ETV6: variants seen among roughly 807,000 people sequenced by gnomAD.
ETV6 encodes the protein ETS variant transcription factor 6.
In ETV6, 16 loss-of-function variants were observed where a neutral mutation model predicts 51.1. That is an observed-to-expected ratio of 0.31 (90% confidence interval 0.21 to 0.48). The LOEUF (loss-of-function observed/expected upper bound fraction) is 0.48, where lower values mean the gene tolerates loss of function less well. Ranked by LOEUF, ETV6 falls within the 20% of genes least tolerant of loss-of-function variation. The pLI is 0.99. For missense variants in ETV6, 458 were observed against 594.8 expected (o/e 0.77, Z 2.39); for synonymous variants, 240 against 224.1 (o/e 1.07, Z -0.64).
At chr12:11,879,500 G>A (rs1402334728) in intron 5 of ETV6, among the ~76,000 whole-genome samples, 1 of 152,200 alleles carries the variant, frequency 6.6e-6, no homozygotes, top group Non-Finnish European at 1.5e-5. Flanking sequence ...AGAGACAGAC[G>A]TGGGAGTGAA....
Position 11,780,333 on chromosome 12 carries a change from C to G in ETV6, c.163+27754C>G, listed in dbSNP as rs997805. ...AGGTTTTAGGTTCAGTAGCCTGTAT[C>G]CTTTTTTACTGCCCTGGGACAACAG... On this transcript the variant is annotated intron_variant, in intron 2 of 7. Coordinates refer to ENST00000396373, the MANE Select transcript of ETV6 (RefSeq NM_001987.5). Among the ~76,000 whole-genome samples, 551 of 152,228 alleles carry G rather than the reference C, an allele frequency of 3.6e-3. 2 individuals carry two copies. Among genetic ancestry groups the G allele is most frequent in the African/African-American group, 0.013 (535 of 41,520 alleles).
At chr12:11,848,920 CT>C (rs1946506329) in intron 3 of ETV6, among the ~76,000 whole-genome samples, 1 of 152,148 alleles carries the variant, frequency 6.6e-6, no homozygotes, top group Admixed American at 6.5e-5. Flanking sequence ...CACTGTGTTT[CT>C]TTTCTGGGAA....
At chr12:11,677,824 C>T (rs767364746) in intron 1 of ETV6, among the ~76,000 whole-genome samples, 10 of 152,198 alleles carry the variant, frequency 6.6e-5, no homozygotes, top group Non-Finnish European at 1.3e-4. Flanking sequence ...AGAGCATCTA[C>T]CATGATAATG....
chr12:11,814,359 AT>A (rs201076244), intron 2 of ETV6, among the ~76,000 whole-genome samples: 9 of 151,290 alleles, frequency 5.9e-5, no homozygotes, highest in South Asian at 2.1e-4. Flanking sequence ...GTAAAAAAAA[AT>A]TTTTTTTTTC....
chr12:11,650,627 AT>A (rs1443659437), intron 1 of ETV6, among the ~76,000 whole-genome samples: 1 of 149,680 alleles, frequency 6.7e-6, no homozygotes, highest in Non-Finnish European at 1.5e-5. Flanking sequence ...GAATCTTTTT[AT>A]TTTTTTAAAG....
intron 2 of ETV6, among the ~76,000 whole-genome samples, chr12:11,835,301 G>T (rs909905225): frequency 6.6e-6 from 1 of 152,224 alleles, no homozygotes; most frequent in African/African-American, 2.4e-5. Flanking sequence ...CAAGAGGCAC[G>T]CTATGCGCAC....
intron 2 of ETV6, among the ~76,000 whole-genome samples, chr12:11,829,174 C>T (rs1024404897): frequency 6.6e-6 from 1 of 152,200 alleles, no homozygotes; most frequent in Non-Finnish European, 1.5e-5. Flanking sequence ...GCTCCAGCTT[C>T]TGCAGCTCCA....
At chr12:11,809,070 G>A (rs1408036657) in intron 2 of ETV6, among the ~76,000 whole-genome samples, 1 of 151,932 alleles carries the variant, frequency 6.6e-6, no homozygotes, top group Non-Finnish European at 1.5e-5. Flanking sequence ...GAGGCATGAG[G>A]TGGGAGAATG....
At chr12:11,674,694 C>A (rs1297037991) in intron 1 of ETV6, among the ~76,000 whole-genome samples, 1 of 147,610 alleles carries the variant, frequency 6.8e-6, no homozygotes, top group Non-Finnish European at 1.5e-5. Flanking sequence ...CCTGATTGTG[C>A]GACCCTGGGT....
At chr12:11,673,648 G>A (rs1007120878) in intron 1 of ETV6, among the ~76,000 whole-genome samples, 7 of 152,150 alleles carry the variant, frequency 4.6e-5, no homozygotes, top group Non-Finnish European at 5.9e-5. Context: ...TAGGCCCTCC[G>A]AATGTCATCT....
Position 11,869,857 on chromosome 12 carries a change from G to A in ETV6, c.897G>A (p.Arg299=), listed in dbSNP as rs779994835. The change falls in exon 5 of 8, where the codon AGG becomes AGA. Residue 299 remains arginine (R), a synonymous_variant. Coordinates refer to ENST00000396373, the MANE Select transcript of ETV6 (RefSeq NM_001987.5). The surrounding 1 kb of genome is among the most constrained non-coding windows in gnomAD (Gnocchi z 5.0). ...QSRLSEDGLH[R]EGKPINLSHR... ...GGCTCTCCGAGGACGGGCTGCATAG[G>A]GAAGGGAAGCCCATCAACCTCTCTC... 4 of 1,613,236 alleles carry A rather than the reference G, an allele frequency of 2.5e-6. No individual in the cohort carries two copies. The highest frequency in any genetic ancestry group is 2.2e-5 in the South Asian group (2 of 91,084).
intron 4 of ETV6, among the ~76,000 whole-genome samples, chr12:11,856,356 C>T (rs984185660): frequency 6.6e-6 from 1 of 152,192 alleles, no homozygotes; most frequent in East Asian, 1.9e-4. Flanking sequence ...GACCAGTTAG[C>T]TCTGCTTCAG....
chr12:11,676,009 A>G (rs2120720876), intron 1 of ETV6, among the ~76,000 whole-genome samples: 1 of 152,304 alleles, frequency 6.6e-6, no homozygotes, highest in African/African-American at 2.4e-5. Context: ...GAATGAAATA[A>G]TCCTGTAAAG....
intron 3 of ETV6, among the ~76,000 whole-genome samples, chr12:11,841,588 G>A (rs1946390973): frequency 6.6e-6 from 1 of 152,208 alleles, no homozygotes; most frequent in African/African-American, 2.4e-5. Flanking sequence ...GATCAGTTAG[G>A]AGGTGGCAAT....
At chr12:11,830,016 A>G (rs1207374554) in intron 2 of ETV6, among the ~76,000 whole-genome samples, 2 of 152,172 alleles carry the variant, frequency 1.3e-5, no homozygotes, top group Non-Finnish European at 2.9e-5. Flanking sequence ...GCAGATTTGC[A>G]GAGAGCAGGC....
At chr12:11,728,085 G>T (rs1257207817) in intron 1 of ETV6, among the ~76,000 whole-genome samples, 2 of 152,170 alleles carry the variant, frequency 1.3e-5, no homozygotes, top group African/African-American at 4.8e-5. Context: ...CTTCCAAAGT[G>T]CTGGGATTAT....
chr12:11,887,546 G>A (rs1273036071), intron 7 of ETV6, among the ~76,000 whole-genome samples: 6 of 151,858 alleles, frequency 4.0e-5, no homozygotes, highest in Non-Finnish European at 8.8e-5. Flanking sequence ...TCAAGAGATC[G>A]AGACCATCCT....
chr12:11,678,932 A>AT (rs530699142), intron 1 of ETV6, among the ~76,000 whole-genome samples: 111 of 152,262 alleles, frequency 7.3e-4, no homozygotes, highest in African/African-American at 2.7e-3. Flanking sequence ...CCCATAATGG[A>AT]TTAGATAGTG....
Position 11,718,560 on chromosome 12 carries a change from G to GTT in ETV6, c.34-33888_34-33887dup, listed in dbSNP as rs1865322539. On this transcript the variant is annotated intron_variant, in intron 1 of 7. Coordinates refer to ENST00000396373, the MANE Select transcript of ETV6 (RefSeq NM_001987.5). Reference sequence around the variant, plus strand: ...GCAGGCGGATCGCTTGAGCTCAGGAGTTTGAGACCAGCCTGGGCAACATGA... The same window carrying GTT: ...GCAGGCGGATCGCTTGAGCTCAGGAGTTTTTGAGACCAGCCTGGGCAACATGA... 2.7e-5 allele frequency among the ~76,000 whole-genome samples: 4 copies of GTT among 150,136 alleles called. No individual in the cohort carries two copies. The South Asian group carries it at 8.4e-4, about 32-fold the overall frequency.
Sources: gnomAD v4.1 joint callset for allele counts (sites outside exome capture counted in the v4.1 genomes callset) on GRCh38, gnomAD v4.1.1 for gene constraint, Gnocchi (gnomAD v3.1) non-coding constraint, MANE v1.5 for transcripts, NCBI Gene and HGNC (gene_info 2026-07-23, HGNC 2026-07-21) for gene names.